Variants in SUCO observed in about 807,000 individuals in gnomAD.
SUCO encodes the protein SUN domain-containing ossification factor.
A neutral mutation model predicts 148.1 loss-of-function variants in SUCO; 57 were observed. That is an observed-to-expected ratio of 0.38 (90% CI 0.31 to 0.48). The LOEUF is 0.48. Among genes scored for constraint, SUCO ranks in the 20% least tolerant of loss-of-function variants. SUCO has a pLI of 0.96. For synonymous variants in SUCO, 470 were observed against 502.7 expected (o/e 0.93, Z 0.87); for missense variants, 1,331 against 1,468.2 (o/e 0.91, Z 1.53).
At chr1:172,600,220 A>G (rs1223206342) in intron 20 of SUCO, 52 bp downstream of exon 20, 11 of 1,274,686 alleles carry the variant, frequency 8.6e-6, no homozygotes, top group Non-Finnish European at 1.2e-5. Flanking sequence ...AGAGGTTGTC[A>G]TAAAGCCAGG....
At chr1:172,532,919 T>G, upstream of SUCO, 2 of 1,381,614 alleles carry the variant, frequency 1.4e-6, no homozygotes, top group Non-Finnish European at 1.9e-6. Context: ...GCTCCTGCGC[T>G]TTGTGGTCTC....
Position 172,610,381 on chromosome 1 carries a change from G to T in SUCO, c.*122G>T. The T allele has an allele frequency of 7.2e-7, 1 of 1,397,244 alleles. No homozygotes were observed. The highest frequency in any genetic ancestry group is 1.8e-5 in the South Asian group (1 of 57,078). 86.6% of individuals were successfully genotyped at this position (1,397,244 alleles called of 1,614,324 possible). On this transcript the variant is annotated 3_prime_UTR_variant, in exon 24 of 24. Transcript: ENST00000263688. Reference sequence around the variant, plus strand: ...AATGGGAAAGGCATTCAGAAATTATGGTTTCTACCTTTTTAAAAAGTAGAT... The same window carrying T: ...AATGGGAAAGGCATTCAGAAATTATTGTTTCTACCTTTTTAAAAAGTAGAT...
chr1:172,550,923 CTTG>C (rs1653246361), intron 1 of SUCO: 8 of 949,834 alleles, frequency 8.4e-6, no homozygotes, highest in Non-Finnish European at 1.0e-5. Context: ...CTTAACTCTA[CTTG>C]ATAATAATTG....
Position 172,576,572 on chromosome 1 carries a change from ATTAC to A in SUCO, c.1263+953_1263+956del, listed in dbSNP as rs566865659. 2.0e-3 allele frequency among the ~76,000 whole-genome samples: 297 copies of A among 151,836 alleles called. 1 individual carries two copies. The highest frequency in any genetic ancestry group is 6.9e-3 in the African/African-American group (285 of 41,560). On this transcript the variant is annotated intron_variant, in intron 11 of 23. Transcript: ENST00000263688. Reference sequence around the variant, plus strand: ...TCCTTCTAAAATGAGTACTGAAACAATTACTTAATTTTTTATACAGTACACTTTC... The same window carrying A: ...TCCTTCTAAAATGAGTACTGAAACAATTAATTTTTTATACAGTACACTTTC...
In SUCO at chr1:172,588,270, G is replaced by T. The variant is rs562574965; in HGVS notation, c.1659-490G>T. The T allele has an allele frequency of 4.1e-6, 4 of 985,210 alleles. No individual in the cohort carries two copies. In the East Asian group the frequency reaches 4.5e-4, roughly 112 times the overall value. The allele number at this position is 985,210 out of a possible 1,614,324, so 61.0% of individuals were successfully genotyped here. A position where few individuals can be genotyped will look rare whatever the true frequency, so the allele number is the denominator to read the frequency against. Reference sequence around the variant, plus strand: ...AACCTAGCTGCCTTTTGAAAATAGGGTATTCAAGTACAAAGTGCACTCATA... The same window carrying T: ...AACCTAGCTGCCTTTTGAAAATAGGTTATTCAAGTACAAAGTGCACTCATA... On this transcript the variant is annotated intron_variant, in intron 17 of 23. Coordinates refer to ENST00000263688, the MANE Select transcript of SUCO (RefSeq NM_014283.5).
At chr1:172,537,499 T>C (rs180956694) in intron 1 of SUCO, among the ~76,000 whole-genome samples, 122 of 152,262 alleles carry the variant, frequency 8.0e-4, no homozygotes, top group African/African-American at 2.9e-3. Flanking sequence ...CTTCCCGATG[T>C]TGTGAGGGTC....
chr1:172,555,843 T>C, intron 3 of SUCO, 26 bp from the exon 4 acceptor site: 1 of 1,564,204 alleles, frequency 6.4e-7, no homozygotes, highest in Non-Finnish European at 8.7e-7. Flanking sequence ...CAACATTTAA[T>C]TTAGCTGACT....
chr1:172,609,798 C>T lies in SUCO; in HGVS notation c.3322-18C>T, dbSNP rs376578410. The T allele has an allele frequency of 3.2e-6, 5 of 1,576,252 alleles. No individual in the cohort carries two copies. The highest frequency in any genetic ancestry group is 4.3e-6 in the Non-Finnish European group (5 of 1,167,078). ...ATGGGAAGTATCATTACTAACTTTT[C>T]TTTTACTTGTGTTGTAGAAGAAGCG... On this transcript the variant is annotated intron_variant, in intron 23 of 23. Coordinates refer to ENST00000263688, the MANE Select transcript of SUCO (RefSeq NM_014283.5).
chr1:172,604,654 TCCATTAA>T (rs1325399818), intron 22 of SUCO, among the ~76,000 whole-genome samples: 3 of 151,784 alleles, frequency 2.0e-5, no homozygotes, highest in Non-Finnish European at 4.4e-5. Flanking sequence ...GAACTCTGTG[TCCATTAA>T]CCAATTCCCC....
chr1:172,555,907 G>A lies in SUCO; in HGVS notation c.327G>A (p.Glu109=). ...ESKKLSPPVV[E]TLPTVDLHEE... is the part of the protein sequence containing the mutation. ...AAAAGTTAAGTCCACCGGTGGTGGA[G>A]ACACTCCCTACAGTTGATTTGCATG... Residue 109 remains glutamate (E), a synonymous_variant, in exon 4 of 24, where the codon GAG becomes GAA. Transcript: ENST00000263688. The A allele has an allele frequency of 6.2e-7, 1 of 1,611,388 alleles. No homozygotes were observed. The highest frequency in any genetic ancestry group is 8.5e-7 in the Non-Finnish European group (1 of 1,177,918).
intron 10 of SUCO, among the ~76,000 whole-genome samples, chr1:172,574,578 C>T (rs1655291007): frequency 6.6e-6 from 1 of 151,962 alleles, no homozygotes; most frequent in Non-Finnish European, 1.5e-5. Context: ...TTACTATGCA[C>T]TTATTTATTA....
chr1:172,577,143 A>G (rs1655506507), intron 11 of SUCO: 2 of 289,262 alleles, frequency 6.9e-6, no homozygotes, highest in Admixed American at 6.5e-5. Flanking sequence ...ATATATCAAT[A>G]TATAAATTCA....
rs950397070 is a variant in SUCO, at chr1:172,589,790, C to A, written c.2689C>A (p.Leu897Ile). 3 of 1,611,902 alleles carry A rather than the reference C, an allele frequency of 1.9e-6. No homozygotes were observed. In the African/African-American group the frequency reaches 4.0e-5, roughly 22 times the overall value. Reference protein sequence around the residue: ...FYAELQNSTDLGYANGNLVHG... With the variant: ...FYAELQNSTDIGYANGNLVHG... ...TGCTGAATTGCAAAATTCTACAGAT[C>A]TAGGATATGCTAATGGAAATCTTGT... Residue 897 changes from leucine to isoleucine, a missense_variant, in exon 18 of 24, where the codon CTA (leucine) becomes ATA (isoleucine). Around this residue, in one of 3 missense-constraint regions of SUCO, gnomAD observed 992 missense variants for 1,093.5 expected, o/e 0.91. Transcript: ENST00000263688.
chr1:172,602,668 C>G (rs762486614), intron 21 of SUCO, 28 bp from the exon 22 acceptor site: 12 of 1,606,628 alleles, frequency 7.5e-6, no homozygotes, highest in Admixed American at 5.1e-5. Context: ...CTCGTTGTAA[C>G]CAATATGTAT....
Position 172,555,100 on chromosome 1 carries a change from T to C in SUCO, c.289-769T>C, listed in dbSNP as rs112574504. Reference sequence around the variant, plus strand: ...ATTTATTGAGCATTTAAACACCTACTGTGCGCTAGATACTGTGCTAGACAC... The same window carrying C: ...ATTTATTGAGCATTTAAACACCTACCGTGCGCTAGATACTGTGCTAGACAC... On this transcript the variant is annotated intron_variant, in intron 3 of 23. Coordinates refer to ENST00000263688, the MANE Select transcript of SUCO (RefSeq NM_014283.5). Among the ~76,000 whole-genome samples the C allele has an allele frequency of 3.5e-3, 531 of 152,284 alleles. 4 individuals are homozygous for C. The highest frequency in any genetic ancestry group is 0.011 in the African/African-American group (465 of 41,544).
rs543082718 is a variant in SUCO, at chr1:172,591,742, G to A, written c.2913+671G>A. ...GTGAATAGTGCCACAGTAAACATAC[G>A]TGTGCATGTGTCTTTATAGCAGCAT... On this transcript the variant is annotated intron_variant, in intron 19 of 23. Transcript: ENST00000263688. 1.6e-3 allele frequency among the ~76,000 whole-genome samples: 238 copies of A among 151,216 alleles called. 1 individual carries two copies. Among genetic ancestry groups the A allele is most frequent in the African/African-American group, 5.5e-3 (225 of 41,162 alleles).
At chr1:172,549,388 A>G (rs913286667) in intron 1 of SUCO, among the ~76,000 whole-genome samples, 2 of 151,746 alleles carry the variant, frequency 1.3e-5, no homozygotes, top group African/African-American at 2.4e-5. Flanking sequence ...TATATTCTTT[A>G]TTGCACATTA....
At chr1:172,557,490 G>A in intron 5 of SUCO, 73 bp downstream of exon 5, 1 of 1,575,658 alleles carries the variant, frequency 6.3e-7, no homozygotes, top group East Asian at 2.2e-5. Flanking sequence ...ATGGACTTTG[G>A]TGTATGTTAA....
Position 172,609,958 on chromosome 1 carries a change from A to G in SUCO, c.3464A>G (p.His1155Arg), listed in dbSNP as rs560983015. ...TTTTCTAATATGGGAGAAGTTTATC[A>G]CTCTTCTTATAAAGGTCCTCCATCT... Reference protein sequence around the residue: ...RDFSNMGEVYHSSYKGPPSEG... With the variant: ...RDFSNMGEVYRSSYKGPPSEG... The change falls in exon 24 of 24, where the codon CAC becomes CGC. Residue 1155 changes from histidine (H) to arginine (R), a missense_variant. Physicochemically the swap from His to Arg is conservative, Grantham distance 29 (BLOSUM62 0). This residue lies in a region of SUCO where 334 missense variants were observed against 352.3 expected (regional missense o/e 0.95). Coordinates refer to ENST00000263688, the MANE Select transcript of SUCO (RefSeq NM_014283.5). The G allele has an allele frequency of 3.1e-6, 5 of 1,613,782 alleles. No homozygotes were observed. In the South Asian group the frequency reaches 3.3e-5, roughly 11 times the overall value.
Sources: allele counts gnomAD v4.1 joint callset (sites outside exome capture counted in the v4.1 genomes callset), GRCh38; gene constraint gnomAD v4.1.1; regional missense constraint gnomAD v4.1.1; transcripts MANE v1.5; gene names NCBI Gene and HGNC (gene_info 2026-07-23, HGNC 2026-07-21).